Variants in RALYL observed in about 807,000 individuals in gnomAD.
RALYL encodes the protein RALY RNA binding protein like.
Under a neutral mutation model 35.1 loss-of-function variants are expected in RALYL, and 29 were observed. The ratio of observed to expected loss-of-function variants is 0.83; its 90% CI spans 0.61 to 1.13. The LOEUF (loss-of-function observed/expected upper bound fraction) is 1.13, where lower values mean the gene tolerates loss of function less well. Among genes scored for constraint, RALYL ranks in the 50% most tolerant of loss-of-function variants. The probability of loss-of-function intolerance (pLI) is 0.00; values close to 1 mark genes in which losing one functional copy is unlikely to be tolerated. For synonymous variants in RALYL, 120 were observed against 127.6 expected (o/e 0.94, Z 0.40); for missense variants, 359 against 360.4 (o/e 1.00, Z 0.03).
intron 1 of RALYL, among the ~76,000 whole-genome samples, chr8:84,410,818 G>C (rs2132163912): frequency 6.6e-6 from 1 of 151,588 alleles, no homozygotes; most frequent in East Asian, 1.9e-4. Flanking sequence ...ATTTAAGTTG[G>C]AATTTTAAAA....
intron 1 of RALYL, among the ~76,000 whole-genome samples, chr8:84,492,960 T>C (rs374703176): frequency 6.6e-6 from 1 of 152,114 alleles, no homozygotes. Context: ...TGTGCAGGTT[T>C]GTTACATACG....
chr8:84,668,173 G>A (rs1403300161), intron 2 of RALYL, among the ~76,000 whole-genome samples: 2 of 152,214 alleles, frequency 1.3e-5, no homozygotes, highest in East Asian at 3.9e-4. Flanking sequence ...TGACAATCAG[G>A]AAATGCTTAC....
At position 84,592,824 on chromosome 8, in the gene RALYL, ATTAG is replaced by A. The variant is rs753510558; in HGVS notation, c.256+63250_256+63253del. Among the ~76,000 whole-genome samples, 38 of 152,264 alleles carry A rather than the reference ATTAG, an allele frequency of 2.5e-4. No individual in the cohort carries two copies. In the East Asian group the frequency reaches 4.8e-3, roughly 19 times the overall value. On this transcript the variant is annotated intron_variant, in intron 2 of 8. Transcript: ENST00000521268. ...ATATCATATTTTCTTTATTAAATTT[ATTAG>A]TTCTGCCTTCATTACTCTCAAATTT...
chr8:84,767,923 A>G (rs1049078266), intron 2 of RALYL, among the ~76,000 whole-genome samples: 2 of 152,170 alleles, frequency 1.3e-5, no homozygotes, highest in African/African-American at 4.8e-5. Flanking sequence ...AAATATGCCA[A>G]AAGCATTTAT....
chr8:84,769,929 A>C (rs1277915432), intron 2 of RALYL, among the ~76,000 whole-genome samples: 1 of 152,194 alleles, frequency 6.6e-6, no homozygotes, highest in Non-Finnish European at 1.5e-5. Context: ...AATTTAAGAA[A>C]TACTACCTTA....
intron 4 of RALYL, among the ~76,000 whole-genome samples, chr8:84,814,448 T>C (rs1408919866): frequency 6.6e-6 from 1 of 152,132 alleles, no homozygotes; most frequent in East Asian, 1.9e-4. Context: ...TAGATTTTAA[T>C]GATGAATACT....
chr8:84,250,819 T>C (rs562311925), intron 1 of RALYL, among the ~76,000 whole-genome samples: 2 of 152,198 alleles, frequency 1.3e-5, no homozygotes, highest in Admixed American at 6.5e-5. Context: ...TAGGGTGTAA[T>C]GAATAAAAAA....
intron 1 of RALYL, among the ~76,000 whole-genome samples, chr8:84,519,277 T>C (rs1253012562): frequency 1.3e-5 from 2 of 152,228 alleles, no homozygotes. Flanking sequence ...GCGGATCTTA[T>C]AATTTAAGAA....
chr8:84,331,392 C>G (rs1411571812), intron 1 of RALYL, among the ~76,000 whole-genome samples: 1 of 152,124 alleles, frequency 6.6e-6, no homozygotes, highest in Non-Finnish European at 1.5e-5. Flanking sequence ...GCCACAGCAT[C>G]AAATTACTAT....
intron 2 of RALYL, among the ~76,000 whole-genome samples, chr8:84,608,275 C>T (rs1817589028): frequency 6.6e-6 from 1 of 152,084 alleles, no homozygotes; most frequent in African/African-American, 2.4e-5. Flanking sequence ...ATGTTGTGGG[C>T]TTGTGGACAG....
chr8:84,548,042 T>A (rs1438804267), intron 2 of RALYL, among the ~76,000 whole-genome samples: 1 of 152,206 alleles, frequency 6.6e-6, no homozygotes, highest in Non-Finnish European at 1.5e-5. Context: ...TCCCTTAGTA[T>A]ATATTTTCAA....
chr8:84,543,276 T>G (rs907513364), intron 2 of RALYL, among the ~76,000 whole-genome samples: 4 of 152,074 alleles, frequency 2.6e-5, no homozygotes, highest in African/African-American at 9.7e-5. Flanking sequence ...TGTTTTTTTT[T>G]GCTGGAATTA....
chr8:84,495,529 T>TA (rs1188012977), intron 1 of RALYL, among the ~76,000 whole-genome samples: 1 of 152,124 alleles, frequency 6.6e-6, no homozygotes, highest in Admixed American at 6.6e-5. Flanking sequence ...ACCTTGAAAT[T>TA]AAAAAATGTG....
intron 1 of RALYL, among the ~76,000 whole-genome samples, chr8:84,301,823 T>C (rs1840847594): frequency 6.6e-6 from 1 of 152,130 alleles, no homozygotes; most frequent in Non-Finnish European, 1.5e-5. Flanking sequence ...ATCCTAATTA[T>C]CAATTTTGTA....
chr8:84,384,851 A>G (rs149835402), intron 1 of RALYL, among the ~76,000 whole-genome samples: 17 of 151,904 alleles, frequency 1.1e-4, no homozygotes, highest in African/African-American at 2.4e-4. Context: ...GCTTGGTACC[A>G]ACCACATCCA....
intron 1 of RALYL, among the ~76,000 whole-genome samples, chr8:84,508,021 A>G (rs1259742366): frequency 1.3e-5 from 2 of 152,194 alleles, no homozygotes; most frequent in Non-Finnish European, 2.9e-5. Context: ...AACTTGATGC[A>G]TTAGAGTCAA....
intron 2 of RALYL, among the ~76,000 whole-genome samples, chr8:84,663,530 T>C (rs1276169836): frequency 6.6e-6 from 1 of 152,178 alleles, no homozygotes; most frequent in Admixed American, 6.5e-5. Context: ...TGGTGTGTGA[T>C]GGTATTTCAC....
intron 1 of RALYL, among the ~76,000 whole-genome samples, chr8:84,213,247 T>C (rs1819951263): frequency 6.6e-6 from 1 of 151,910 alleles, no homozygotes. Context: ...AAAAATTAGC[T>C]AGGCATGGTG....
At chr8:84,406,430 G>C (rs993772691) in intron 1 of RALYL, among the ~76,000 whole-genome samples, 1 of 151,842 alleles carries the variant, frequency 6.6e-6, no homozygotes, top group Non-Finnish European at 1.5e-5. Flanking sequence ...TATGGGAGTA[G>C]TGATGAAAAA....
Sources: gnomAD v4.1 joint callset for allele counts (sites outside exome capture counted in the v4.1 genomes callset) on GRCh38, gnomAD v4.1.1 for gene constraint, MANE v1.5 for transcripts, NCBI Gene and HGNC (gene_info 2026-07-23, HGNC 2026-07-21) for gene names.